INSC: variants seen among roughly 807,000 people sequenced by gnomAD.
INSC encodes INSC spindle orientation adaptor protein, also known as protein inscuteable homolog.
Under a neutral mutation model 58.6 loss-of-function variants are expected in INSC, and 67 were observed. The ratio of observed to expected loss-of-function variants is 1.14; its 90% CI spans 0.94 to 1.40. The LOEUF (loss-of-function observed/expected upper bound fraction) is 1.40, where lower values mean the gene tolerates loss of function less well. Among genes scored for constraint, INSC ranks in the 40% most tolerant of loss-of-function variants. The probability of loss-of-function intolerance (pLI) is 0.00; values close to 1 mark genes in which losing one functional copy is unlikely to be tolerated. For missense variants in INSC, 714 were observed against 692.0 expected, an observed-to-expected ratio of 1.03 and a Z score of -0.36; for synonymous variants, 262 against 276.1, an observed-to-expected ratio of 0.95 and a Z score of 0.51.
the INSC span, among the ~76,000 whole-genome samples, chr11:15,253,365 A>T: frequency 1.3e-5 from 2 of 152,106 alleles, no homozygotes; most frequent in Non-Finnish European, 2.9e-5. Flanking sequence ...GACACAAATG[A>T]CACTACATAA....
At position 15,238,969 on chromosome 11, in the gene INSC, C is replaced by A. The variant is rs764430228; in HGVS notation, c.1288C>A (p.Pro430Thr). ...GTCTGAAAAACCAAGGTCTGGGACT[C>A]CTGCTGAAGTGGCAGCCTGTGAGCG... ...MLSEKPRSGT[P>T]AEVAACERVQ... Residue 430 changes from proline (P) to threonine (T), a missense_variant, in exon 11 of 13, where the codon CCT (proline) becomes ACT (threonine). Physicochemically the swap from Pro to Thr is conservative, Grantham distance 38. Coordinates refer to ENST00000379556, the MANE Select transcript of INSC (RefSeq NM_001042536.3). The A allele has an allele frequency of 1.2e-6, 2 of 1,614,076 alleles. No homozygotes were observed. Among genetic ancestry groups the A allele is most frequent in the African/African-American group, 2.7e-5 (2 of 74,940 alleles).
chr11:15,202,517 G>A (rs1397152333), intron 7 of INSC, among the ~76,000 whole-genome samples: 1 of 152,258 alleles, frequency 6.6e-6, no homozygotes, highest in Admixed American at 6.5e-5. Context: ...ACAGACAGTG[G>A]ACTTGATAAA....
At chr11:15,117,833 T>A (rs529435279) in intron 1 of INSC, among the ~76,000 whole-genome samples, 1 of 152,178 alleles carries the variant, frequency 6.6e-6, no homozygotes, top group Non-Finnish European at 1.5e-5. Flanking sequence ...GGAGGTTTTT[T>A]TCCTAGTAGC....
chr11:15,152,764 A>C (rs1848694158), intron 2 of INSC, among the ~76,000 whole-genome samples: 1 of 152,204 alleles, frequency 6.6e-6, no homozygotes, highest in East Asian at 1.9e-4. Context: ...CTGAAAGCTG[A>C]AGGCTGTTGG....
At chr11:15,151,387 G>A (rs1848645148) in intron 2 of INSC, among the ~76,000 whole-genome samples, 1 of 152,170 alleles carries the variant, frequency 6.6e-6, no homozygotes, top group African/African-American at 2.4e-5. Context: ...GTTAGGGACT[G>A]CTGGTATAAA....
intron 1 of INSC, among the ~76,000 whole-genome samples, chr11:15,122,724 C>T (rs772213913): frequency 1.3e-4 from 20 of 152,144 alleles, no homozygotes; most frequent in Non-Finnish European, 2.5e-4. Context: ...TTTCCATCTC[C>T]ACCAGCATCA....
chr11:15,233,921 C>T (rs1369292107), intron 9 of INSC, among the ~76,000 whole-genome samples: 1 of 152,196 alleles, frequency 6.6e-6, no homozygotes, highest in African/African-American at 2.4e-5. Flanking sequence ...TACCTCCTCC[C>T]TCATAAGAAT....
In INSC at chr11:15,138,092, G is replaced by A. The variant is rs150137171; in HGVS notation, c.-45-11038G>A. On this transcript the variant is annotated intron_variant, in intron 1 of 12. Transcript: ENST00000379556. ...CCAGAGGAGAGGGAGAAAGATAGGG[G>A]AACAGCAGGTTGGTGAAGTAGTCAG... 5.0e-3 allele frequency among the ~76,000 whole-genome samples: 754 copies of A among 152,210 alleles called. 5 individuals are homozygous for A. The highest frequency in any genetic ancestry group is 8.1e-3 in the Admixed American group (123 of 15,276).
At chr11:15,197,479 C>T (rs1006115178) in intron 6 of INSC, among the ~76,000 whole-genome samples, 24 of 152,312 alleles carry the variant, frequency 1.6e-4, no homozygotes, top group Middle Eastern at 3.4e-3. Context: ...ACAGCATCCT[C>T]ACCTTGGATG....
At chr11:15,236,739 A>G (rs1487461256) in intron 10 of INSC, among the ~76,000 whole-genome samples, 1 of 152,230 alleles carries the variant, frequency 6.6e-6, no homozygotes, top group Non-Finnish European at 1.5e-5. Flanking sequence ...GACGCTAATG[A>G]GGCGGAGTGA....
At chr11:15,264,343 G>A in the INSC span, among the ~76,000 whole-genome samples, 1 of 148,856 alleles carries the variant, frequency 6.7e-6, no homozygotes, top group East Asian at 2.0e-4. Context: ...CTGACTGAAG[G>A]CACAGGAAGT....
intron 7 of INSC, among the ~76,000 whole-genome samples, chr11:15,210,577 G>C (rs1850986274): frequency 6.6e-6 from 1 of 150,778 alleles, no homozygotes; most frequent in African/African-American, 2.4e-5. Context: ...GCTTAGCAGG[G>C]TAAAGTTGTT....
chr11:15,210,615 T>G (rs1850988010), intron 7 of INSC, among the ~76,000 whole-genome samples: 1 of 151,280 alleles, frequency 6.6e-6, no homozygotes, highest in Admixed American at 6.6e-5. Context: ...TCCCAAAGAA[T>G]CTGGTGAGAG....
Position 15,245,998 on chromosome 11 carries a change from C to A in INSC, c.1557C>A (p.Asp519Glu). ...FQQLVQPRLV[D>E]SFLLCSNMEE... ...AGTTGGTCCAGCCTCGGCTGGTGGA[C>A]TCCTTCTTACTCTGCAGCAACATGG... is the stretch of plus-strand genomic sequence containing the variant. Residue 519 changes from aspartate (D) to glutamate (E), a missense_variant, in exon 13 of 13, where the codon GAC becomes GAA. Transcript: ENST00000379556. The A allele has an allele frequency of 1.2e-6, 2 of 1,614,192 alleles. No individual in the cohort carries two copies. Among genetic ancestry groups the A allele is most frequent in the South Asian group, 1.1e-5 (1 of 91,080 alleles).
chr11:15,260,246 G>A, the INSC span, among the ~76,000 whole-genome samples: 1 of 152,162 alleles, frequency 6.6e-6, no homozygotes, highest in Admixed American at 6.5e-5. Context: ...ACACAGGATA[G>A]TGGCTGTAAA....
At chr11:15,128,476 A>C (rs547436518) in intron 1 of INSC, among the ~76,000 whole-genome samples, 1 of 152,338 alleles carries the variant, frequency 6.6e-6, no homozygotes, top group African/African-American at 2.4e-5. Context: ...GCAAATGAGA[A>C]AAGAGGCCAA....
In INSC at chr11:15,146,848, C is replaced by CT. The variant is rs201465306; in HGVS notation, c.-45-2273dup. Among the ~76,000 whole-genome samples the CT allele has an allele frequency of 8.6e-4, 130 of 151,794 alleles. No homozygotes were observed. The East Asian group carries it at 0.014, about 17-fold the overall frequency. ...ATTCAGGCTTCTGCTTATGACAACT[C>CT]TTTTTTTTTCTCTCTGGATCCCTCA... On this transcript the variant is annotated intron_variant, in intron 1 of 12. Transcript: ENST00000379556.
At chr11:15,192,367 T>C (rs1327204761) in intron 6 of INSC, among the ~76,000 whole-genome samples, 2 of 152,240 alleles carry the variant, frequency 1.3e-5, no homozygotes, top group Non-Finnish European at 2.9e-5. Flanking sequence ...AAACTCTTAC[T>C]CAGCATTCCA....
intron 10 of INSC, among the ~76,000 whole-genome samples, chr11:15,236,124 T>C (rs1852120900): frequency 6.6e-6 from 1 of 151,898 alleles, no homozygotes; most frequent in South Asian, 2.1e-4. Flanking sequence ...ATGTGTGTGC[T>C]TGTATGTGTG....
Sources: allele counts gnomAD v4.1 joint callset (sites outside exome capture counted in the v4.1 genomes callset), GRCh38; gene constraint gnomAD v4.1.1; transcripts MANE v1.5; gene names NCBI Gene and HGNC (gene_info 2026-07-23, HGNC 2026-07-21).